Variants in ERC2 observed in about 807,000 individuals in gnomAD.
The protein encoded by ERC2 is ERC protein 2.
Under a neutral mutation model 114.8 loss-of-function variants are expected in ERC2, and 42 were observed. That is an observed-to-expected ratio of 0.37 (90% CI 0.29 to 0.47). ERC2 has a LOEUF of 0.47. ERC2 is among the 20% of genes least tolerant of loss of function. The pLI, the probability that ERC2 is intolerant of heterozygous loss-of-function variation, is 0.99. For synonymous variants in ERC2, 454 were observed against 425.5 expected (o/e 1.07, Z -0.82); for missense variants, 939 against 1,150.7 (o/e 0.82, Z 2.66).
intron 11 of ERC2, among the ~76,000 whole-genome samples, chr3:55,991,235 T>C (rs2071034886): frequency 6.6e-6 from 1 of 152,206 alleles, no homozygotes; most frequent in African/African-American, 2.4e-5. Flanking sequence ...ACAGGTTTAT[T>C]CAAAATTTGG....
rs540989255 is a variant in ERC2 at position 56,054,721 on chromosome 3, G to T, written c.1641+26096C>A. On this transcript the variant is annotated intron_variant, in intron 7 of 17. Transcript: ENST00000288221. ...TAGTAAGTCCCTAGTTCAATATACTGTCTGTGGATAAAATATGGGTCATCT... is the reference window on the plus strand; with the variant it reads ...TAGTAAGTCCCTAGTTCAATATACTTTCTGTGGATAAAATATGGGTCATCT... Among the ~76,000 whole-genome samples, 12 of 152,272 alleles carry T rather than the reference G, an allele frequency of 7.9e-5. No homozygotes were observed. In the South Asian group the frequency reaches 2.5e-3, roughly 32 times the overall value.
In ERC2 at chr3:56,456,326, A is replaced by G. The variant is rs17235606; in HGVS notation, c.-141+11922T>C. ...CTAGCAAACCAAAGGATTAGGTTAC[A>G]TACTCTGGTGGACTCATAAATAAGA... is the stretch of plus-strand genomic sequence containing the variant. On this transcript the variant is annotated intron_variant, in intron 1 of 17. Coordinates refer to ENST00000288221, the MANE Select transcript of ERC2 (RefSeq NM_015576.3). Among the ~76,000 whole-genome samples, 926 of 152,362 alleles carry G rather than the reference A, an allele frequency of 6.1e-3. 5 individuals are homozygous for G. The highest frequency in any genetic ancestry group is 9.8e-3 in the Non-Finnish European group (669 of 68,032).
At chr3:56,220,512 G>A (rs1409991534) in intron 3 of ERC2, among the ~76,000 whole-genome samples, 1 of 152,204 alleles carries the variant, frequency 6.6e-6, no homozygotes, top group Non-Finnish European at 1.5e-5. Flanking sequence ...ATCAGGCTGA[G>A]ATGTCTCTCA....
At position 56,119,794 on chromosome 3, in the gene ERC2, G is replaced by A. The variant is rs75913156; in HGVS notation, c.1473+19715C>T. Reference sequence around the variant, plus strand: ...TCACCTTTCACTGGTAGTTCACAGCGCTGCAATGACCCATCCAAGGTAATG... The same window carrying A: ...TCACCTTTCACTGGTAGTTCACAGCACTGCAATGACCCATCCAAGGTAATG... On this transcript the variant is annotated intron_variant, in intron 6 of 17. Transcript: ENST00000288221. Among the ~76,000 whole-genome samples the A allele has an allele frequency of 5.5e-3, 844 of 152,218 alleles. 8 individuals are homozygous for A. The highest frequency in any genetic ancestry group is 0.017 in the African/African-American group (717 of 41,516).
At chr3:55,693,297 A>T (rs1364673929) in intron 16 of ERC2, among the ~76,000 whole-genome samples, 1 of 152,176 alleles carries the variant, frequency 6.6e-6, no homozygotes, top group Non-Finnish European at 1.5e-5. Context: ...CTCTGAAAGT[A>T]CCCCTAGCAC....
intron 2 of ERC2, among the ~76,000 whole-genome samples, chr3:56,334,565 A>G (rs1370994789): frequency 3.6e-4 from 55 of 152,348 alleles, no homozygotes; most frequent in Middle Eastern, 3.4e-3. Context: ...AACATATAAT[A>G]TTAAATTAGA....
intron 14 of ERC2, among the ~76,000 whole-genome samples, chr3:55,741,577 T>C (rs766271144): frequency 1.3e-5 from 2 of 152,132 alleles, no homozygotes; most frequent in African/African-American, 2.4e-5. Context: ...GTTCAATCTA[T>C]CCCTTTTGCC....
chr3:55,542,538 G>A (rs1279564668), intron 17 of ERC2, among the ~76,000 whole-genome samples: 2 of 152,044 alleles, frequency 1.3e-5, no homozygotes, highest in Admixed American at 6.5e-5. Flanking sequence ...AAAGCAACAC[G>A]TTGAGTCCGT....
At chr3:55,531,924 C>T (rs1004325502) in intron 17 of ERC2, among the ~76,000 whole-genome samples, 6 of 152,348 alleles carry the variant, frequency 3.9e-5, no homozygotes, top group Admixed American at 6.5e-5. Flanking sequence ...GGCAGTTTCG[C>T]AGTCATTAAT....
At chr3:56,185,569 T>C (rs1260798843) in intron 3 of ERC2, among the ~76,000 whole-genome samples, 1 of 152,146 alleles carries the variant, frequency 6.6e-6, no homozygotes, top group East Asian at 1.9e-4. Flanking sequence ...TTGGACTGAG[T>C]TGATGCTGCA....
chr3:55,929,027 C>T (rs1391673674), intron 13 of ERC2, among the ~76,000 whole-genome samples: 2 of 152,108 alleles, frequency 1.3e-5, no homozygotes, highest in Non-Finnish European at 2.9e-5. Context: ...TGCTTTGTTC[C>T]TGCCATGGGG....
chr3:56,229,239 T>C (rs1028186066), intron 3 of ERC2, among the ~76,000 whole-genome samples: 1 of 152,196 alleles, frequency 6.6e-6, no homozygotes, highest in Admixed American at 6.5e-5. Flanking sequence ...TCATATGTTA[T>C]TTATCAACAG....
chr3:55,585,667 C>T (rs1453164675), intron 17 of ERC2, among the ~76,000 whole-genome samples: 1 of 152,162 alleles, frequency 6.6e-6, no homozygotes, highest in Non-Finnish European at 1.5e-5. Flanking sequence ...TGGAAGATAA[C>T]AAAATCATGT....
intron 7 of ERC2, among the ~76,000 whole-genome samples, chr3:56,030,766 C>A (rs1027078510): frequency 6.6e-6 from 1 of 152,048 alleles, no homozygotes; most frequent in Non-Finnish European, 1.5e-5. Flanking sequence ...TTCATGGATG[C>A]GAATTAATCT....
At chr3:56,307,118 C>T (rs4974193) in intron 2 of ERC2, among the ~76,000 whole-genome samples, 33,354 of 152,116 alleles carry the variant, frequency 0.22, 4,297 homozygotes, top group Non-Finnish European at 0.28. Context: ...AGGAAGGTGG[C>T]CTACCAAGGG....
At chr3:56,336,747 A>G (rs1280840434) in intron 2 of ERC2, among the ~76,000 whole-genome samples, 1 of 152,178 alleles carries the variant, frequency 6.6e-6, no homozygotes, top group Non-Finnish European at 1.5e-5. Context: ...CAGTGAGCCA[A>G]GATCACGCCA....
intron 14 of ERC2, among the ~76,000 whole-genome samples, chr3:55,845,995 T>C (rs2061346584): frequency 6.6e-6 from 1 of 152,384 alleles, no homozygotes; most frequent in East Asian, 1.9e-4. Context: ...TATTATATCA[T>C]TCTTTTTTTA....
intron 6 of ERC2, among the ~76,000 whole-genome samples, chr3:56,130,483 A>G (rs1367919413): frequency 3.3e-5 from 5 of 152,202 alleles, no homozygotes; most frequent in Admixed American, 3.3e-4. Flanking sequence ...TTAAGATTCA[A>G]ACTGAACACC....
intron 3 of ERC2, among the ~76,000 whole-genome samples, chr3:56,251,793 C>T (rs1405984590): frequency 6.6e-6 from 1 of 152,212 alleles, no homozygotes; most frequent in Non-Finnish European, 1.5e-5. Context: ...TAAACGGAGA[C>T]GTGGCATTCC....
Sources: allele counts gnomAD v4.1 joint callset (sites outside exome capture counted in the v4.1 genomes callset), GRCh38; gene constraint gnomAD v4.1.1; transcripts MANE v1.5; gene names NCBI Gene and HGNC (gene_info 2026-07-23, HGNC 2026-07-21).